The following GASK1B variants were observed in gnomAD, a reference collection of about 807,000 sequenced individuals.
GASK1B encodes Golgi-associated kinase 1B.
Under a neutral mutation model 42.8 loss-of-function variants are expected in GASK1B, and 34 were observed. The observed-to-expected ratio is 0.79, with a 90% CI of 0.60 to 1.06. The LOEUF is 1.06. Ranked by LOEUF, GASK1B falls within the 50% of genes least tolerant of loss-of-function variation. GASK1B has a pLI of 0.00. For synonymous variants in GASK1B, 262 were observed against 259.1 expected, an observed-to-expected ratio of 1.01 and a Z score of -0.11; for missense variants, 686 against 661.0, an observed-to-expected ratio of 1.04 and a Z score of -0.42.
At chr4:158,132,817 G>T (rs1730732411) in intron 3 of GASK1B, among the ~76,000 whole-genome samples, 1 of 152,112 alleles carries the variant, frequency 6.6e-6, no homozygotes, top group Non-Finnish European at 1.5e-5. Flanking sequence ...CTGATCCATG[G>T]GACCATAAGT....
At chr4:158,144,532 C>T (rs1313156550) in intron 3 of GASK1B, among the ~76,000 whole-genome samples, 1 of 152,204 alleles carries the variant, frequency 6.6e-6, no homozygotes, top group East Asian at 1.9e-4. Context: ...TAGCATCATA[C>T]ATTCCCATAT....
At chr4:158,154,186 C>G (rs1416669602) in intron 3 of GASK1B, among the ~76,000 whole-genome samples, 4 of 147,036 alleles carry the variant, frequency 2.7e-5, no homozygotes, top group African/African-American at 1.0e-4. Context: ...AAAAAAGAAA[C>G]CATCCCATCA....
intron 2 of GASK1B, chr4:158,168,470 T>C (rs1488406447): frequency 6.6e-6 from 1 of 152,192 alleles, no homozygotes; most frequent in Non-Finnish European, 1.5e-5. Context: ...CCTCATGTGC[T>C]TGGTACAATA....
At chr4:158,162,081 A>G (rs1732040374) in intron 2 of GASK1B, among the ~76,000 whole-genome samples, 1 of 152,028 alleles carries the variant, frequency 6.6e-6, no homozygotes, top group Non-Finnish European at 1.5e-5. Context: ...TATTCTCTCT[A>G]TACTTTCTGC....
At chr4:158,172,699 C>G (rs907751797) in intron 1 of GASK1B, 169 bp downstream of exon 1, 3 of 152,160 alleles carry the variant, frequency 2.0e-5, no homozygotes, top group African/African-American at 7.2e-5. Context: ...CGCAAACAGA[C>G]TCAGAAATGT....
At chr4:158,148,874 T>C (rs144701031) in intron 3 of GASK1B, among the ~76,000 whole-genome samples, 9 of 152,318 alleles carry the variant, frequency 5.9e-5, no homozygotes, top group Admixed American at 5.9e-4. Context: ...GGGGATCAGC[T>C]GGAATTTGTT....
Position 158,127,366 on chromosome 4 carries a change from T to C in GASK1B, c.*41A>G. 1 of 1,559,708 alleles carries C rather than the reference T, an allele frequency of 6.4e-7. No homozygotes were observed. Among genetic ancestry groups the C allele is most frequent in the Admixed American group, 1.8e-5 (1 of 55,644 alleles). On this transcript the variant is annotated 3_prime_UTR_variant, in exon 5 of 5. Coordinates refer to ENST00000585682, the MANE Select transcript of GASK1B (RefSeq NM_001128424.2). Reference sequence around the variant, plus strand: ...CTTGATTTAAAAACAAAACCAAAAATGCATAAATATATCTAACACCCTAGC... The same window carrying C: ...CTTGATTTAAAAACAAAACCAAAAACGCATAAATATATCTAACACCCTAGC...
chr4:158,170,184 A>C, intron 2 of GASK1B: 12 of 1,560,690 alleles, frequency 7.7e-6, no homozygotes, highest in Middle Eastern at 1.8e-4. Flanking sequence ...AATTAGATTT[A>C]ATAAGCCACT....
chr4:158,164,620 T>C (rs899514522), intron 2 of GASK1B, among the ~76,000 whole-genome samples: 3 of 152,192 alleles, frequency 2.0e-5, no homozygotes, highest in Non-Finnish European at 4.4e-5. Context: ...TTTTAAAAAA[T>C]AAAACATGAT....
intron 3 of GASK1B, among the ~76,000 whole-genome samples, chr4:158,146,935 C>G (rs1421987577): frequency 6.6e-6 from 1 of 152,166 alleles, no homozygotes; most frequent in East Asian, 1.9e-4. Context: ...TTTACAGACC[C>G]AGTAAAATGG....
chr4:158,151,951 C>T (rs770992432), intron 3 of GASK1B, among the ~76,000 whole-genome samples: 4 of 152,084 alleles, frequency 2.6e-5, no homozygotes, highest in East Asian at 3.9e-4. Flanking sequence ...GGGTGGGCAC[C>T]GTCTAATTAG....
At chr4:158,159,917 T>C (rs552426771) in intron 2 of GASK1B, among the ~76,000 whole-genome samples, 1 of 152,110 alleles carries the variant, frequency 6.6e-6, no homozygotes, top group Non-Finnish European at 1.5e-5. Context: ...GGCTGAGCGG[T>C]TTTGTGGAAT....
intron 4 of GASK1B, 88 bp downstream of exon 4, chr4:158,130,698 G>T: frequency 1.0e-6 from 1 of 963,134 alleles, no homozygotes; most frequent in Non-Finnish European, 1.6e-6. Flanking sequence ...GGGTTAAAAT[G>T]ATCAGATGTA....
intron 3 of GASK1B, among the ~76,000 whole-genome samples, chr4:158,131,744 C>T (rs542312107): frequency 6.6e-6 from 1 of 152,118 alleles, no homozygotes; most frequent in Non-Finnish European, 1.5e-5. Context: ...TAAAATAAAG[C>T]CTGGGCAAAG....
At chr4:158,129,238 T>C (rs1171842980) in intron 4 of GASK1B, among the ~76,000 whole-genome samples, 2 of 152,218 alleles carry the variant, frequency 1.3e-5, no homozygotes, top group Non-Finnish European at 2.9e-5. Flanking sequence ...TACATGAATG[T>C]ATGAAATGGA....
chr4:158,144,307 T>C (rs1415187725), intron 3 of GASK1B, among the ~76,000 whole-genome samples: 2 of 152,236 alleles, frequency 1.3e-5, no homozygotes, highest in African/African-American at 2.4e-5. Flanking sequence ...GTAGTATCAT[T>C]AATTATCTTA....
chr4:158,156,088 A>G (rs2110993414), intron 2 of GASK1B, among the ~76,000 whole-genome samples: 1 of 152,330 alleles, frequency 6.6e-6, no homozygotes. Context: ...TGTGGCAGGA[A>G]TAGGCTACTA....
At chr4:158,157,672 G>C (rs182587317) in intron 2 of GASK1B, among the ~76,000 whole-genome samples, 212 of 152,106 alleles carry the variant, frequency 1.4e-3, no homozygotes, top group African/African-American at 4.8e-3. Flanking sequence ...GTAATCAAAG[G>C]GAGTTGAAAC....
At chr4:158,141,285 G>T (rs145875036) in intron 3 of GASK1B, among the ~76,000 whole-genome samples, 50 of 152,014 alleles carry the variant, frequency 3.3e-4, no homozygotes, top group African/African-American at 1.2e-3. Context: ...ATGTGTACCA[G>T]CACATGTTAT....
Sources: gnomAD v4.1 joint callset for allele counts (sites outside exome capture counted in the v4.1 genomes callset) on GRCh38, gnomAD v4.1.1 for gene constraint, MANE v1.5 for transcripts, NCBI Gene and HGNC (gene_info 2026-07-23, HGNC 2026-07-21) for gene names.